Variants in UBAP1 observed in about 807,000 individuals in gnomAD.
The protein encoded by UBAP1 is ubiquitin associated protein 1, also known as ubiquitin-associated protein 1.
Under a neutral mutation model 39.0 loss-of-function variants are expected in UBAP1, and 5 were observed. The ratio of observed to expected loss-of-function variants is 0.13; its 90% CI spans 0.07 to 0.27. The LOEUF is 0.27. Ranked by LOEUF, UBAP1 falls within the 10% of genes least tolerant of loss-of-function variation. UBAP1 has a pLI of 1.00. For missense variants in UBAP1, 490 were observed against 608.1 expected, an observed-to-expected ratio of 0.81 and a Z score of 2.04; for synonymous variants, 211 against 225.1, an observed-to-expected ratio of 0.94 and a Z score of 0.56.
chr9:34,193,106 A>G (rs1018216455), intron 1 of UBAP1, among the ~76,000 whole-genome samples: 1 of 152,076 alleles, frequency 6.6e-6, no homozygotes, highest in African/African-American at 2.4e-5. Flanking sequence ...CAGGAGTTTG[A>G]GAACAGCTTG....
At chr9:34,195,069 A>G (rs1378838900) in intron 1 of UBAP1, among the ~76,000 whole-genome samples, 3 of 151,574 alleles carry the variant, frequency 2.0e-5, no homozygotes, top group Non-Finnish European at 4.4e-5. Context: ...GTGCTTACAC[A>G]TACACGGATT....
intron 2 of UBAP1, among the ~76,000 whole-genome samples, chr9:34,223,764 A>G (rs1276851517): frequency 2.6e-5 from 4 of 152,136 alleles, no homozygotes; most frequent in African/African-American, 9.7e-5. Context: ...CCAAAGTGTT[A>G]TTGTTTAAAT....
rs1189221469 is a variant in UBAP1 at position 34,241,889 on chromosome 9, T to A, written c.864T>A (p.His288Gln). The A allele has an allele frequency of 6.8e-6, 11 of 1,614,054 alleles. No homozygotes were observed. Among genetic ancestry groups the A allele is most frequent in the Non-Finnish European group, 8.5e-6 (10 of 1,180,042 alleles). ...CAGCCAAGCTGGCGAGCACTTTCCA[T>A]AGCACATCCTGCCTCCGCAATGGCA... ...QKTAKLASTFHSTSCLRNGTF... is the reference protein window; with the variant it reads ...QKTAKLASTFQSTSCLRNGTF... The change falls in exon 4 of 7, where the codon CAT becomes CAA. Residue 288 changes from histidine (H) to glutamine (Q), a missense_variant. Physicochemically the swap from His to Gln is conservative, Grantham distance 24. Around this residue, in one of 3 missense-constraint regions of UBAP1, gnomAD observed 339 missense variants for 390.0 expected, o/e 0.87. Coordinates refer to ENST00000297661, the MANE Select transcript of UBAP1 (RefSeq NM_016525.5).
intron 2 of UBAP1, among the ~76,000 whole-genome samples, chr9:34,233,298 T>C (rs1219382652): frequency 1.3e-5 from 2 of 151,316 alleles, no homozygotes; most frequent in African/African-American, 4.9e-5. Context: ...CTCGGCTGAC[T>C]GCAACCTCCG....
At chr9:34,181,178 A>T (rs1231264780) in intron 1 of UBAP1, among the ~76,000 whole-genome samples, 1 of 120,040 alleles carries the variant, frequency 8.3e-6, no homozygotes, top group Non-Finnish European at 1.7e-5. Context: ...GCAGTGGCGC[A>T]ATCTCAGCTC....
At chr9:34,207,163 T>A (rs1831753413) in intron 1 of UBAP1, among the ~76,000 whole-genome samples, 1 of 148,612 alleles carries the variant, frequency 6.7e-6, no homozygotes. Flanking sequence ...GTGATTCTCC[T>A]GCCTCAGCCT....
At chr9:34,202,583 A>C (rs1228226711) in intron 1 of UBAP1, among the ~76,000 whole-genome samples, 1 of 143,392 alleles carries the variant, frequency 7.0e-6, no homozygotes, top group African/African-American at 2.6e-5. Context: ...AGACTCCAGC[A>C]AGGGCTATGG....
intron 1 of UBAP1, among the ~76,000 whole-genome samples, chr9:34,181,116 C>CTTTCTTTTTTTTTTTTTTTTT (rs1193356334): frequency 1.7e-4 from 12 of 72,274 alleles, no homozygotes; most frequent in South Asian, 5.7e-4. Context: ...GGCCTGTTTT[C>CTTTCTTTTTTTTTTTTTTTTT]TTTTTTTTTT....
At chr9:34,228,250 C>G (rs914712688) in intron 2 of UBAP1, among the ~76,000 whole-genome samples, 1 of 151,786 alleles carries the variant, frequency 6.6e-6, no homozygotes, top group Non-Finnish European at 1.5e-5. Context: ...AACCCCATCT[C>G]TACTAAAAAT....
At position 34,249,838 on chromosome 9, in the gene UBAP1, C is replaced by A. The variant is rs756320145; in HGVS notation, c.1143C>A (p.Ala381=). ...QVPNMPSCPQ[A]YSELQMLSPS... ...CCAACATGCCCAGCTGTCCCCAGGC[C>A]TATTCTGAACTGCAGATGCTGTCCC... is the stretch of plus-strand genomic sequence containing the variant. Residue 381 remains alanine (A), a synonymous_variant, in exon 5 of 7, where the codon GCC becomes GCA. Transcript: ENST00000297661. 9.9e-6 allele frequency: 16 copies of A among 1,614,218 alleles called. No individual in the cohort carries two copies. The highest frequency in any genetic ancestry group is 1.4e-5 in the Non-Finnish European group (16 of 1,180,036).
intron 1 of UBAP1, among the ~76,000 whole-genome samples, chr9:34,211,525 C>T (rs567619143): frequency 2.0e-5 from 3 of 152,094 alleles, no homozygotes; most frequent in Middle Eastern, 3.4e-3. Context: ...TTTTGGGAAG[C>T]ATTTTTAGAG....
intron 1 of UBAP1, among the ~76,000 whole-genome samples, chr9:34,212,753 T>C (rs1832088895): frequency 6.6e-6 from 1 of 152,076 alleles, no homozygotes; most frequent in Non-Finnish European, 1.5e-5. Context: ...ACCAGATGGC[T>C]TCACAGCAGA....
chr9:34,221,454 C>T lies in UBAP1; in HGVS notation c.34+506C>T, dbSNP rs190813037. Among the ~76,000 whole-genome samples, 251 of 151,384 alleles carry T rather than the reference C, an allele frequency of 1.7e-3. 5 individuals carry two copies. Among genetic ancestry groups the T allele is most frequent in the Admixed American group, 0.012 (189 of 15,172 alleles). ...TGAGGGCAGAAGAATGGCGTGAACC[C>T]GGGAGGCGGAGCTTGCAGTGAGCCG... On this transcript the variant is annotated intron_variant, in intron 2 of 6. Coordinates refer to ENST00000297661, the MANE Select transcript of UBAP1 (RefSeq NM_016525.5).
At chr9:34,236,901 AC>A (rs958377209) in intron 3 of UBAP1, among the ~76,000 whole-genome samples, 1 of 151,678 alleles carries the variant, frequency 6.6e-6, no homozygotes, top group Non-Finnish European at 1.5e-5. Flanking sequence ...TGAGCTCATC[AC>A]CTCCTCCATG....
At chr9:34,236,917 C>T (rs1833727223) in intron 3 of UBAP1, among the ~76,000 whole-genome samples, 1 of 152,034 alleles carries the variant, frequency 6.6e-6, no homozygotes, top group South Asian at 2.1e-4. Context: ...TCCATGTTCC[C>T]TCCAAACCAC....
intron 1 of UBAP1, among the ~76,000 whole-genome samples, chr9:34,199,118 G>A (rs1207712419): frequency 3.3e-5 from 5 of 152,160 alleles, no homozygotes. Context: ...CTGTCGCGCA[G>A]GCTGGAGTGC....
At chr9:34,187,309 C>T (rs1321551252) in intron 1 of UBAP1, among the ~76,000 whole-genome samples, 2 of 152,170 alleles carry the variant, frequency 1.3e-5, no homozygotes, top group Non-Finnish European at 2.9e-5. Flanking sequence ...TGGTATATCT[C>T]ATCTGACATT....
At chr9:34,192,577 A>G (rs561070804) in intron 1 of UBAP1, among the ~76,000 whole-genome samples, 2 of 150,846 alleles carry the variant, frequency 1.3e-5, no homozygotes, top group South Asian at 4.2e-4. Context: ...TTTAAAACCA[A>G]TCTCTCTCAG....
Position 34,248,236 on chromosome 9 carries a change from A to G in UBAP1, c.1084-1543A>G, listed in dbSNP as rs565363112. 5.3e-5 allele frequency among the ~76,000 whole-genome samples: 8 copies of G among 151,982 alleles called. No individual in the cohort carries two copies. In the South Asian group the frequency reaches 1.5e-3, roughly 28 times the overall value. On this transcript the variant is annotated intron_variant, in intron 4 of 6. Coordinates refer to ENST00000297661, the MANE Select transcript of UBAP1 (RefSeq NM_016525.5). ...TTTTTAGTAGAGATGGGGTTTCACT[A>G]TGTTGGCCAGGCTGGTCTCAAACTC...
Sources: gnomAD v4.1 joint callset for allele counts (sites outside exome capture counted in the v4.1 genomes callset) on GRCh38, gnomAD v4.1.1 for gene constraint, gnomAD v4.1.1 regional missense constraint, MANE v1.5 for transcripts, NCBI Gene and HGNC (gene_info 2026-07-23, HGNC 2026-07-21) for gene names.